Variants in KCNMB4 observed in about 807,000 individuals in gnomAD.
KCNMB4 encodes calcium-activated potassium channel subunit beta-4.
Under a neutral mutation model 20.7 loss-of-function variants are expected in KCNMB4, and 3 were observed. That is an observed-to-expected ratio of 0.14 (90% CI 0.07 to 0.37). The LOEUF is 0.37. KCNMB4 is among the 10% of genes least tolerant of loss of function. The pLI is 1.00. For synonymous variants in KCNMB4, 110 were observed against 113.4 expected, an observed-to-expected ratio of 0.97 and a Z score of 0.19; for missense variants, 168 against 265.9, an observed-to-expected ratio of 0.63 and a Z score of 2.56.
intron 1 of KCNMB4, among the ~76,000 whole-genome samples, chr12:70,375,009 T>C (rs1214858046): frequency 5.9e-5 from 9 of 152,186 alleles, no homozygotes; most frequent in Admixed American, 5.9e-4. Flanking sequence ...ACAATAATAC[T>C]CTATAGTGAG....
At position 70,432,717 on chromosome 12, in the gene KCNMB4, G is replaced by C. The variant is rs1055721408; in HGVS notation, c.*2064G>C. On this transcript the variant is annotated 3_prime_UTR_variant, in exon 3 of 3. Coordinates refer to ENST00000258111, the MANE Select transcript of KCNMB4 (RefSeq NM_014505.6). ...CGGTTGCAGCATCCTTGTTGTCTTAGCAACACAGTGAACTATTCTGAAGCA... is the reference window on the plus strand; with the variant it reads ...CGGTTGCAGCATCCTTGTTGTCTTACCAACACAGTGAACTATTCTGAAGCA... The C allele has an allele frequency of 6.6e-6, 1 of 152,170 alleles. No homozygotes were observed. The highest frequency in any genetic ancestry group is 1.9e-4 in the East Asian group (1 of 5,194). The allele number at this position is 152,170 out of a possible 1,614,324, so 9.4% of individuals were successfully genotyped here. A position where few individuals can be genotyped will look rare whatever the true frequency, so the allele number is the denominator to read the frequency against.
At chr12:70,409,835 G>C (rs1207415290) in intron 2 of KCNMB4, among the ~76,000 whole-genome samples, 2 of 152,208 alleles carry the variant, frequency 1.3e-5, no homozygotes, top group Admixed American at 1.3e-4. Flanking sequence ...TTAGGTACTG[G>C]AAGGCCAGTG....
intron 2 of KCNMB4, among the ~76,000 whole-genome samples, chr12:70,407,046 G>T (rs1794973684): frequency 6.6e-6 from 1 of 152,012 alleles, no homozygotes; most frequent in Admixed American, 6.6e-5. Flanking sequence ...AAATTAAAGG[G>T]TCCAGCCCCA....
At chr12:70,385,271 A>G (rs1868248899) in intron 1 of KCNMB4, among the ~76,000 whole-genome samples, 1 of 152,040 alleles carries the variant, frequency 6.6e-6, no homozygotes, top group African/African-American at 2.4e-5. Context: ...CCTGGGTTGG[A>G]GCTTTCTTTC....
chr12:70,399,848 A>G (rs145339231), intron 1 of KCNMB4, among the ~76,000 whole-genome samples: 1 of 152,320 alleles, frequency 6.6e-6, no homozygotes, highest in Non-Finnish European at 1.5e-5. Context: ...ATAGATAGCA[A>G]TTGGGGATAA....
At chr12:70,418,538 C>T (rs1356593309) in intron 2 of KCNMB4, among the ~76,000 whole-genome samples, 1 of 152,132 alleles carries the variant, frequency 6.6e-6, no homozygotes, top group Non-Finnish European at 1.5e-5. Flanking sequence ...TGCTTTTAGG[C>T]CCTTGGATAT....
intron 2 of KCNMB4, among the ~76,000 whole-genome samples, chr12:70,401,653 T>TTA (rs397974003): frequency 7.3e-5 from 11 of 150,832 alleles, no homozygotes; most frequent in African/African-American, 2.7e-4. Context: ...TTTTTTTTTT[T>TTA]ATGATTCTGT....
intron 1 of KCNMB4, among the ~76,000 whole-genome samples, chr12:70,388,074 A>G (rs1041254489): frequency 5.9e-4 from 90 of 152,170 alleles, no homozygotes; most frequent in Admixed American, 4.6e-4. Context: ...GAGAACATGT[A>G]ACCATTGTCT....
intron 2 of KCNMB4, among the ~76,000 whole-genome samples, chr12:70,402,604 A>G (rs1868483439): frequency 7.0e-6 from 1 of 143,758 alleles, no homozygotes; most frequent in African/African-American, 2.6e-5. Flanking sequence ...GCAATGAGCC[A>G]TGATCACACC....
At chr12:70,414,919 T>G (rs1868876176) in intron 2 of KCNMB4, among the ~76,000 whole-genome samples, 2 of 152,232 alleles carry the variant, frequency 1.3e-5, no homozygotes, top group South Asian at 4.1e-4. Flanking sequence ...ATTTGTTATA[T>G]CTTCCATCAT....
At chr12:70,376,141 C>A (rs1883681246) in intron 1 of KCNMB4, among the ~76,000 whole-genome samples, 1 of 115,332 alleles carries the variant, frequency 8.7e-6, no homozygotes, top group Non-Finnish European at 1.7e-5. Context: ...ATTTAACAAT[C>A]CTTTCATGAT....
chr12:70,407,747 G>A (rs958831327), intron 2 of KCNMB4, among the ~76,000 whole-genome samples: 7 of 151,866 alleles, frequency 4.6e-5, no homozygotes, highest in Admixed American at 1.3e-4. Context: ...GATTACAGGC[G>A]TGAGCCACCG....
rs536552116 is a variant in KCNMB4, at chr12:70,414,545, A to T, written c.464+14209A>T. ...AACAGATTTGTTCTCATCATTTGGG[A>T]TGCTTTTCTTACTGTGCCCTGAGCT... On this transcript the variant is annotated intron_variant, in intron 2 of 2. Coordinates refer to ENST00000258111, the MANE Select transcript of KCNMB4 (RefSeq NM_014505.6). 5.3e-4 allele frequency among the ~76,000 whole-genome samples: 80 copies of T among 152,270 alleles called. No individual in the cohort carries two copies. The Middle Eastern group carries it at 0.01, about 19-fold the overall frequency.
At chr12:70,378,401 G>A (rs904550135) in intron 1 of KCNMB4, among the ~76,000 whole-genome samples, 3 of 152,082 alleles carry the variant, frequency 2.0e-5, no homozygotes, top group Non-Finnish European at 2.9e-5. Flanking sequence ...TTTAACCTCC[G>A]TTCATGATTT....
intron 2 of KCNMB4, among the ~76,000 whole-genome samples, chr12:70,403,180 CTTTTATTTTATTTTATTTTA>C (rs3049185): frequency 6.7e-6 from 1 of 149,536 alleles, no homozygotes; most frequent in East Asian, 2.0e-4. Context: ...TAGTCATCGT[CTTTTATTTTATTTTATTTTA>C]TTTTATTTTA....
intron 2 of KCNMB4, among the ~76,000 whole-genome samples, chr12:70,407,525 T>C (rs192939483): frequency 0.12 from 16,558 of 134,736 alleles, 1,214 homozygotes; most frequent in Middle Eastern, 0.27. Context: ...TGGAGTGCAG[T>C]GGCTTGATCT....
At chr12:70,378,584 T>A (rs924033210) in intron 1 of KCNMB4, among the ~76,000 whole-genome samples, 2 of 152,208 alleles carry the variant, frequency 1.3e-5, no homozygotes, top group Non-Finnish European at 2.9e-5. Flanking sequence ...CCACCCAGGC[T>A]CGAGTACAAT....
chr12:70,397,873 A>G (rs1007553698), intron 1 of KCNMB4, among the ~76,000 whole-genome samples: 1 of 152,218 alleles, frequency 6.6e-6, no homozygotes, highest in African/African-American at 2.4e-5. Context: ...AAGGGCTCTG[A>G]TGAATTTTTA....
rs1193482846 is a variant in KCNMB4, at chr12:70,377,845, C to T, written c.336+10775C>T. ...ATCTCAAGAAACCACTTTCTTTGCT[C>T]ATCCAAATGAGGATTTGCAAATCCT... On this transcript the variant is annotated intron_variant, in intron 1 of 2. Transcript: ENST00000258111. 2.0e-5 allele frequency among the ~76,000 whole-genome samples: 3 copies of T among 152,126 alleles called. No homozygotes were observed. In the East Asian group the frequency reaches 5.8e-4, roughly 29 times the overall value.
Sources: allele counts gnomAD v4.1 joint callset (sites outside exome capture counted in the v4.1 genomes callset), GRCh38; gene constraint gnomAD v4.1.1; transcripts MANE v1.5; gene names NCBI Gene and HGNC (gene_info 2026-07-23, HGNC 2026-07-21).